The following ANKRD44 variants were observed in gnomAD, a reference collection of about 807,000 sequenced individuals.
The protein encoded by ANKRD44 is ankyrin repeat domain 44, also known as serine/threonine-protein phosphatase 6 regulatory ankyrin repeat subunit B.
Under a neutral mutation model 116.0 loss-of-function variants are expected in ANKRD44, and 35 were observed. The observed-to-expected ratio is 0.30, with a 90% CI of 0.23 to 0.40. ANKRD44 has a LOEUF of 0.40. ANKRD44 is among the 10% of genes least tolerant of loss of function. The pLI is 1.00. For synonymous variants in ANKRD44, 435 were observed against 461.8 expected, an observed-to-expected ratio of 0.94 and a Z score of 0.74; for missense variants, 1,014 against 1,242.6, an observed-to-expected ratio of 0.82 and a Z score of 2.77.
chr2:197,125,519 C>A, intron 5 of ANKRD44, 51 bp from the exon 6 acceptor site: 2 of 1,481,868 alleles, frequency 1.3e-6, no homozygotes, highest in Non-Finnish European at 1.9e-6. Flanking sequence ...AATGGTGAGG[C>A]CTCCTCACTG....
At chr2:197,284,810 C>G (rs764801265) in intron 1 of ANKRD44, among the ~76,000 whole-genome samples, 1 of 151,122 alleles carries the variant, frequency 6.6e-6, no homozygotes, top group African/African-American at 2.4e-5. Context: ...TGCCTTAACC[C>G]GGGAGGCAGA....
intron 2 of ANKRD44, chr2:197,147,786 G>C (rs150392409): frequency 2.4e-6 from 1 of 416,922 alleles, no homozygotes; most frequent in Non-Finnish European, 4.8e-6. Context: ...ATAAAACACC[G>C]TATGGGATTA....
At chr2:197,295,756 T>C (rs1252565388) in intron 1 of ANKRD44, among the ~76,000 whole-genome samples, 1 of 152,102 alleles carries the variant, frequency 6.6e-6, no homozygotes, top group Non-Finnish European at 1.5e-5. Flanking sequence ...GAAGAGCTGG[T>C]TGAAAAGGTA....
chr2:197,006,997 G>A (rs13005801), intron 20 of ANKRD44, among the ~76,000 whole-genome samples: 1 of 151,660 alleles, frequency 6.6e-6, no homozygotes, highest in African/African-American at 2.4e-5. Context: ...CCCAGTTACT[G>A]GGGGGAGTTG....
intron 1 of ANKRD44, among the ~76,000 whole-genome samples, chr2:197,213,094 G>A (rs2081360774): frequency 6.6e-6 from 1 of 152,116 alleles, no homozygotes; most frequent in Non-Finnish European, 1.5e-5. Context: ...CTCCATGGTG[G>A]CACCTTCCAA....
chr2:197,296,672 T>G (rs542524851), intron 1 of ANKRD44: 4 of 152,332 alleles, frequency 2.6e-5, no homozygotes, highest in South Asian at 4.1e-4. Context: ...CTGTGACCCT[T>G]TTTACTTTGC....
At chr2:197,108,275 A>C (rs2078480829) in intron 9 of ANKRD44, among the ~76,000 whole-genome samples, 1 of 152,202 alleles carries the variant, frequency 6.6e-6, no homozygotes, top group African/African-American at 2.4e-5. Context: ...TTTTTCTCAT[A>C]GGGTGGTTGA....
At position 197,310,746 on chromosome 2, in the gene ANKRD44, C is replaced by G. The variant is rs2084235335; in HGVS notation, c.-142G>C. On this transcript the variant is annotated 5_prime_UTR_variant, in exon 1 of 28. Transcript: ENST00000282272. Reference sequence around the variant, plus strand: ...TGACAGCCCTCCCCCTGCTCCTCCTCCGCCGCCGCCTCCTCCCGCCGAGAG... The same window carrying G: ...TGACAGCCCTCCCCCTGCTCCTCCTGCGCCGCCGCCTCCTCCCGCCGAGAG... The G allele has an allele frequency of 2.5e-6, 2 of 800,776 alleles. No individual in the cohort carries two copies. The highest frequency in any genetic ancestry group is 1.9e-5 in the African/African-American group (1 of 53,612). 49.6% of individuals were successfully genotyped at this position (800,776 alleles called of 1,614,324 possible). A position where few individuals can be genotyped will look rare whatever the true frequency, so the allele number is the denominator to read the frequency against.
chr2:197,247,803 C>A (rs551930385), intron 1 of ANKRD44, among the ~76,000 whole-genome samples: 4 of 152,180 alleles, frequency 2.6e-5, no homozygotes, highest in Non-Finnish European at 2.9e-5. Flanking sequence ...CTCTTCCCCA[C>A]ACATACAGAC....
At chr2:197,130,061 A>C (rs1234061007) in intron 4 of ANKRD44, among the ~76,000 whole-genome samples, 5 of 152,220 alleles carry the variant, frequency 3.3e-5, no homozygotes. Flanking sequence ...TGTAAGTAAT[A>C]ATCTGTAAGT....
intron 14 of ANKRD44, 32 bp from the exon 15 acceptor site, chr2:197,081,757 G>T (rs769155321): frequency 6.4e-7 from 1 of 1,554,726 alleles, no homozygotes; most frequent in East Asian, 2.2e-5. Flanking sequence ...AAAAAAAATT[G>T]CAATTAATTT....
At chr2:197,239,325 G>C (rs1021878693) in intron 1 of ANKRD44, among the ~76,000 whole-genome samples, 9 of 151,986 alleles carry the variant, frequency 5.9e-5, no homozygotes, top group African/African-American at 2.2e-4. Flanking sequence ...TTGGCCACCC[G>C]GGCTCAAGCA....
intron 2 of ANKRD44, among the ~76,000 whole-genome samples, chr2:197,154,912 G>C (rs769517722): frequency 2.0e-5 from 3 of 151,854 alleles, no homozygotes; most frequent in Non-Finnish European, 2.9e-5. Context: ...ATGTAACATG[G>C]ATATATATTT....
At chr2:197,249,961 A>C (rs1187771085) in intron 1 of ANKRD44, among the ~76,000 whole-genome samples, 1 of 152,234 alleles carries the variant, frequency 6.6e-6, no homozygotes, top group Non-Finnish European at 1.5e-5. Flanking sequence ...GTGGTGGCAT[A>C]ATTTTAAAAT....
intron 21 of ANKRD44, among the ~76,000 whole-genome samples, chr2:196,974,390 C>T (rs993702634): frequency 4.6e-5 from 7 of 151,884 alleles, no homozygotes; most frequent in South Asian, 2.1e-4. Context: ...GCCAAAACAA[C>T]ATATTCCTTA....
chr2:197,153,862 A>T (rs950000219), intron 2 of ANKRD44, among the ~76,000 whole-genome samples: 1 of 152,052 alleles, frequency 6.6e-6, no homozygotes, highest in African/African-American at 2.4e-5. Flanking sequence ...AAAGGTGGGG[A>T]AGGGAGAGAG....
At chr2:197,093,026 A>G (rs2078077365) in intron 10 of ANKRD44, among the ~76,000 whole-genome samples, 1 of 152,090 alleles carries the variant, frequency 6.6e-6, no homozygotes, top group South Asian at 2.1e-4. Context: ...CATTCCTGAA[A>G]GAATATGCCT....
intron 2 of ANKRD44, among the ~76,000 whole-genome samples, chr2:197,161,895 T>A (rs1308351738): frequency 6.6e-6 from 1 of 152,154 alleles, no homozygotes; most frequent in Non-Finnish European, 1.5e-5. Context: ...CAATCTGACC[T>A]CAAGATGGAA....
intron 17 of ANKRD44, chr2:197,015,983 G>A: frequency 1.8e-6 from 1 of 541,896 alleles, no homozygotes; most frequent in Non-Finnish European, 3.6e-6. Flanking sequence ...GTCTGGTGGT[G>A]GAAGTGGTGG....
Sources: gnomAD v4.1 joint callset for allele counts (sites outside exome capture counted in the v4.1 genomes callset) on GRCh38, gnomAD v4.1.1 for gene constraint, MANE v1.5 for transcripts, NCBI Gene and HGNC (gene_info 2026-07-23, HGNC 2026-07-21) for gene names.